Variants in EED observed in about 807,000 individuals in gnomAD.
EED encodes the protein embryonic ectoderm development.
In EED, 9 loss-of-function variants were observed where a neutral mutation model predicts 61.0. The ratio of observed to expected loss-of-function variants is 0.15; its 90% confidence interval spans 0.09 to 0.26. EED has a LOEUF of 0.26. Among genes scored for constraint, EED ranks in the 10% least tolerant of loss-of-function variants. The probability of loss-of-function intolerance (pLI) is 1.00; values close to 1 mark genes in which losing one functional copy is unlikely to be tolerated. For synonymous variants in EED, 187 were observed against 174.4 expected, an observed-to-expected ratio of 1.07 and a Z score of -0.57; for missense variants, 315 against 542.3, an observed-to-expected ratio of 0.58 and a Z score of 4.16.
chr11:86,278,688 C>G lies in EED; in HGVS notation c.*163C>G, dbSNP rs1593777509. The G allele has an allele frequency of 2.4e-6, 2 of 846,722 alleles. No individual in the cohort carries two copies. Among genetic ancestry groups the G allele is most frequent in the Non-Finnish European group, 3.3e-6 (2 of 603,430 alleles). 52.5% of individuals were successfully genotyped at this position (846,722 alleles called of 1,614,324 possible). On this transcript the variant is annotated 3_prime_UTR_variant, in exon 12 of 12. Transcript: ENST00000263360. ...GTTTACATTGTTTACATTCTTTGTA[C>G]TGTCTTCCTGCTCAGACTCTACTGC... is the stretch of plus-strand genomic sequence containing the variant.
At chr11:86,270,056 T>A (rs1174619744) in intron 9 of EED, 1 of 695,730 alleles carries the variant, frequency 1.4e-6, no homozygotes. Flanking sequence ...GTTTAGTTTT[T>A]TAAGAAACTG....
chr11:86,272,807 C>G (rs903834481), intron 9 of EED, among the ~76,000 whole-genome samples: 6 of 152,030 alleles, frequency 3.9e-5, no homozygotes, highest in African/African-American at 1.4e-4. Context: ...TTTTTTAAAT[C>G]TATTCTGCCT....
At chr11:86,263,046 G>T (rs575827853) in intron 6 of EED, among the ~76,000 whole-genome samples, 1 of 151,990 alleles carries the variant, frequency 6.6e-6, no homozygotes, top group Non-Finnish European at 1.5e-5. Context: ...GGCCTCAAGT[G>T]ATCCTCCTGC....
chr11:86,253,903 C>T (rs11234592), intron 3 of EED, among the ~76,000 whole-genome samples: 44,264 of 151,576 alleles, frequency 0.29, 6,825 homozygotes, highest in Non-Finnish European at 0.36. Flanking sequence ...CAAAAATTAG[C>T]TGGGCATGAT....
the EED span, chr11:86,284,493 A>G: frequency 6.6e-6 from 1 of 152,190 alleles, no homozygotes; most frequent in Non-Finnish European, 1.5e-5. Context: ...CTGCCCTCCA[A>G]CTCAAAAGTG....
chr11:86,252,679 T>G (rs183838715), intron 3 of EED, among the ~76,000 whole-genome samples: 1 of 152,182 alleles, frequency 6.6e-6, no homozygotes, highest in Non-Finnish European at 1.5e-5. Flanking sequence ...ATGTTTTAAT[T>G]ACTTGCAGTA....
In EED at chr11:86,245,258, C is replaced by G. The variant is rs780894846; in HGVS notation, c.29C>G (p.Pro10Arg). 1.9e-6 allele frequency: 3 copies of G among 1,613,400 alleles called. No homozygotes were observed. Among genetic ancestry groups the G allele is most frequent in the East Asian group, 2.2e-5 (1 of 44,728 alleles). ...TCCGAGAGGGAAGTGTCGACTGCGC[C>G]GGCGGGAACAGACATGCCTGCGGCC... MSEREVSTA[P>R]AGTDMPAAKK... The change falls in exon 1 of 12, where the codon CCG becomes CGG. Residue 10 changes from proline (P) to arginine (R), a missense_variant. Pro to Arg is a moderately radical substitution (Grantham distance 103, BLOSUM62 -2). Transcript: ENST00000263360.
Position 86,260,650 on chromosome 11 carries a change from C to T in EED, c.634+3054C>T, listed in dbSNP as rs1165403507. Reference sequence around the variant, plus strand: ...TATGTTTTCAGCTTACTGTAAAAATCATAAATCTCAGTCCCCTTTCAATTT... The same window carrying T: ...TATGTTTTCAGCTTACTGTAAAAATTATAAATCTCAGTCCCCTTTCAATTT... On this transcript the variant is annotated intron_variant, in intron 6 of 11. Coordinates refer to ENST00000263360, the MANE Select transcript of EED (RefSeq NM_003797.5). 2.0e-5 allele frequency among the ~76,000 whole-genome samples: 3 copies of T among 152,160 alleles called. No homozygotes were observed. In the East Asian group the frequency reaches 5.8e-4, roughly 29 times the overall value.
chr11:86,245,108 G>T lies in EED; in HGVS notation c.-122G>T. 1 of 684,966 alleles carries T rather than the reference G, an allele frequency of 1.5e-6. No individual in the cohort carries two copies. The allele number at this position is 684,966 out of a possible 1,614,324, so 42.4% of individuals were successfully genotyped here. ...CTGGGCGCGATTTGCGACAGTGGGG[G>T]GGGCGGTGGAGGTGGCGGCGGCAGC... On this transcript the variant is annotated 5_prime_UTR_variant, in exon 1 of 12. Transcript: ENST00000263360.
chr11:86,273,700 T>C (rs1187049999), intron 9 of EED, among the ~76,000 whole-genome samples: 1 of 152,230 alleles, frequency 6.6e-6, no homozygotes, highest in African/African-American at 2.4e-5. Flanking sequence ...GTTATTTTCT[T>C]TCAACACCTG....
At chr11:86,263,100 C>T (rs1252820776) in intron 6 of EED, among the ~76,000 whole-genome samples, 3 of 152,126 alleles carry the variant, frequency 2.0e-5, no homozygotes, top group African/African-American at 7.2e-5. Flanking sequence ...ACCATCACAC[C>T]CTGCCAACAG....
intron 6 of EED, among the ~76,000 whole-genome samples, chr11:86,260,431 G>A (rs1440985952): frequency 6.6e-6 from 1 of 151,972 alleles, no homozygotes; most frequent in East Asian, 1.9e-4. Context: ...GTTTCATTAT[G>A]TTGTCCAACC....
In EED at chr11:86,257,532, A is replaced by T. The variant is rs1485967894; in HGVS notation, c.570A>T (p.Gly190=). The part of the protein sequence containing the change: ...MQCIKHYVGH[G]NAINELKFHP... ...TATTGTAGCACTATGTTGGCCATGG[A>T]AATGCTATCAATGAGCTGAAATTCC... The change falls in exon 6 of 12, where the codon GGA becomes GGT. Residue 190 remains glycine, a synonymous_variant. Transcript: ENST00000263360. The T allele has an allele frequency of 6.2e-7, 1 of 1,611,970 alleles. No individual in the cohort carries two copies. Among genetic ancestry groups the T allele is most frequent in the African/African-American group, 1.3e-5 (1 of 74,962 alleles).
chr11:86,245,177 T>G lies in EED; in HGVS notation c.-53T>G. 6.8e-7 allele frequency: 1 copy of G among 1,470,182 alleles called. No individual in the cohort carries two copies. The highest frequency in any genetic ancestry group is 1.2e-5 in the South Asian group (1 of 86,424). The allele number at this position is 1,470,182 out of a possible 1,614,324, so 91.1% of individuals were successfully genotyped here. A position where few individuals can be genotyped will look rare whatever the true frequency, so the allele number is the denominator to read the frequency against. ...TCGGGCCGGGCTTGCTTGACGGCGGTGTGGCGGAGGCCCCGCCCCAGGCGG... is the reference window on the plus strand; with the variant it reads ...TCGGGCCGGGCTTGCTTGACGGCGGGGTGGCGGAGGCCCCGCCCCAGGCGG... On this transcript the variant is annotated 5_prime_UTR_variant, in exon 1 of 12. Transcript: ENST00000263360.
chr11:86,246,726 G>A (rs1476681975), intron 1 of EED, among the ~76,000 whole-genome samples: 6 of 151,966 alleles, frequency 3.9e-5, no homozygotes, highest in African/African-American at 1.5e-4. Context: ...TTATTTCTGC[G>A]TTTTCTTAAA....
chr11:86,287,552 G>T, the EED span, among the ~76,000 whole-genome samples: 25 of 152,288 alleles, frequency 1.6e-4, no homozygotes, highest in South Asian at 1.5e-3. Flanking sequence ...TTACATTTCT[G>T]CATAATGAGT....
chr11:86,254,068 A>G (rs1245661108), intron 3 of EED, among the ~76,000 whole-genome samples: 12 of 148,354 alleles, frequency 8.1e-5, no homozygotes, highest in African/African-American at 2.5e-4. Flanking sequence ...AAAAAAAAAA[A>G]AAAAAAAGAA....
At chr11:86,263,325 A>C (rs757170643) in intron 6 of EED, among the ~76,000 whole-genome samples, 46 of 152,046 alleles carry the variant, frequency 3.0e-4, no homozygotes, top group Admixed American at 1.2e-3. Flanking sequence ...ACTCACACCA[A>C]TATAGGCTTT....
chr11:86,248,059 T>C (rs2138125368), intron 1 of EED, among the ~76,000 whole-genome samples: 1 of 152,340 alleles, frequency 6.6e-6, no homozygotes, highest in Non-Finnish European at 1.5e-5. Flanking sequence ...ATGCAGGGAA[T>C]CCCTGTGGCA....
Sources: gnomAD v4.1 joint callset for allele counts (sites outside exome capture counted in the v4.1 genomes callset) on GRCh38, gnomAD v4.1.1 for gene constraint, MANE v1.5 for transcripts, NCBI Gene and HGNC (gene_info 2026-07-23, HGNC 2026-07-21) for gene names.